Variants in PGM5 observed in about 807,000 individuals in gnomAD.
The protein encoded by PGM5 is phosphoglucomutase 5, also known as phosphoglucomutase-like protein 5.
Under a neutral mutation model 59.2 loss-of-function variants are expected in PGM5, and 23 were observed. That is an observed-to-expected ratio of 0.39 (90% confidence interval 0.28 to 0.55). PGM5 has a LOEUF of 0.55. Among genes scored for constraint, PGM5 ranks in the 20% least tolerant of loss-of-function variants. PGM5 has a pLI of 0.66. For missense variants in PGM5, 574 were observed against 748.3 expected, an observed-to-expected ratio of 0.77 and a Z score of 2.72; for synonymous variants, 214 against 286.0, an observed-to-expected ratio of 0.75 and a Z score of 2.54.
chr9:68,414,244 G>A (rs1304727891), intron 6 of PGM5, among the ~76,000 whole-genome samples: 2 of 152,088 alleles, frequency 1.3e-5, no homozygotes, highest in Non-Finnish European at 2.9e-5. Context: ...GAGCTAAATA[G>A]ACCTCTTTTC....
chr9:68,359,437 A>C (rs1834535127), intron 1 of PGM5, among the ~76,000 whole-genome samples: 1 of 152,194 alleles, frequency 6.6e-6, no homozygotes, highest in Non-Finnish European at 1.5e-5. Flanking sequence ...TCAGAATTTC[A>C]AACAGCCAAC....
chr9:68,417,357 G>A (rs782597339), intron 6 of PGM5, among the ~76,000 whole-genome samples: 1 of 152,126 alleles, frequency 6.6e-6, no homozygotes, highest in Non-Finnish European at 1.5e-5. Context: ...GCCCCAAGAA[G>A]CTCTTTACTG....
chr9:68,506,466 AAACTC>A (rs1355767063), intron 10 of PGM5, among the ~76,000 whole-genome samples: 2 of 152,220 alleles, frequency 1.3e-5, no homozygotes, highest in Non-Finnish European at 2.9e-5. Flanking sequence ...TTGCTCAGTT[AAACTC>A]TTAAGTTTAA....
intron 6 of PGM5, among the ~76,000 whole-genome samples, chr9:68,424,129 G>A (rs1823194582): frequency 6.6e-6 from 1 of 152,166 alleles, no homozygotes; most frequent in South Asian, 2.1e-4. Context: ...ATCTGGAAAA[G>A]TTTCCTATGA....
chr9:68,372,237 G>A lies in PGM5; in HGVS notation c.262-5962G>A, dbSNP rs1276415474. On this transcript the variant is annotated intron_variant, in intron 1 of 10. Coordinates refer to ENST00000396396, the MANE Select transcript of PGM5 (RefSeq NM_021965.4). ...GGCCAGAAGTCAAAATCAAGGTATCGGCATGGCCACACTCTGTAGATGCTC... is the reference window on the plus strand; with the variant it reads ...GGCCAGAAGTCAAAATCAAGGTATCAGCATGGCCACACTCTGTAGATGCTC... Among the ~76,000 whole-genome samples the A allele has an allele frequency of 2.5e-3, 371 of 146,216 alleles. 2 individuals are homozygous for A. The highest frequency in any genetic ancestry group is 8.6e-3 in the African/African-American group (336 of 39,080).
Position 68,440,080 on chromosome 9 carries a change from A to C in PGM5, c.1044-25013A>C, listed in dbSNP as rs892830965. Among the ~76,000 whole-genome samples, 4 of 152,202 alleles carry C rather than the reference A, an allele frequency of 2.6e-5. No homozygotes were observed. The East Asian group carries it at 7.7e-4, about 29-fold the overall frequency. On this transcript the variant is annotated intron_variant, in intron 6 of 10. Coordinates refer to ENST00000396396, the MANE Select transcript of PGM5 (RefSeq NM_021965.4). ...ATAATTTTAAAGTACATAAGCAAAA[A>C]TGGACAGAATGGAAAAGAGAAATAG...
chr9:68,363,169 C>T (rs1177552010), intron 1 of PGM5, among the ~76,000 whole-genome samples: 1 of 152,012 alleles, frequency 6.6e-6, no homozygotes, highest in African/African-American at 2.4e-5. Flanking sequence ...TGCGCCCGGC[C>T]GTTTCTGACT....
At chr9:68,424,505 A>G (rs1340843188) in intron 6 of PGM5, among the ~76,000 whole-genome samples, 1 of 152,158 alleles carries the variant, frequency 6.6e-6, no homozygotes, top group African/African-American at 2.4e-5. Context: ...AATCACCCCC[A>G]AAAGGTCCCA....
intron 9 of PGM5, among the ~76,000 whole-genome samples, chr9:68,485,131 G>C (rs11142632): frequency 2.6e-5 from 4 of 152,172 alleles, no homozygotes; most frequent in African/African-American, 9.7e-5. Flanking sequence ...TGTTAATGCA[G>C]TATTCCTCTA....
intron 2 of PGM5, among the ~76,000 whole-genome samples, chr9:68,382,730 A>T (rs1554678436): frequency 6.6e-6 from 1 of 151,812 alleles, no homozygotes; most frequent in African/African-American, 2.4e-5. Context: ...GGAGTGGAAG[A>T]TATCAGGGAG....
intron 4 of PGM5, among the ~76,000 whole-genome samples, chr9:68,390,479 G>T (rs1170726456): frequency 6.6e-6 from 1 of 152,142 alleles, no homozygotes; most frequent in African/African-American, 2.4e-5. Context: ...GAACTGAGAT[G>T]GGGAAGAGAG....
intron 6 of PGM5, among the ~76,000 whole-genome samples, chr9:68,423,916 G>A (rs79957602): frequency 0.024 from 3,594 of 152,250 alleles, 128 homozygotes; most frequent in African/African-American, 0.08. Context: ...GTACCTAAAT[G>A]GGGAAGACTG....
chr9:68,406,583 T>A (rs1268719578), intron 6 of PGM5: 1 of 146,524 alleles, frequency 6.8e-6, no homozygotes, highest in African/African-American at 2.5e-5. Context: ...ACACTAGGGA[T>A]GAAGTTTCAA....
chr9:68,453,399 CATA>C (rs1486899149), intron 6 of PGM5, among the ~76,000 whole-genome samples: 3 of 152,156 alleles, frequency 2.0e-5, no homozygotes, highest in Admixed American at 6.6e-5. Flanking sequence ...AGTACAGTGG[CATA>C]ATTATAGCTA....
At chr9:68,372,048 T>G (rs1449653314) in intron 1 of PGM5, among the ~76,000 whole-genome samples, 7 of 152,228 alleles carry the variant, frequency 4.6e-5, no homozygotes, top group South Asian at 2.1e-4. Context: ...TTAATTGCTT[T>G]TAGCCACCAG....
chr9:68,368,029 G>T (rs1834713392), intron 1 of PGM5, among the ~76,000 whole-genome samples: 1 of 152,072 alleles, frequency 6.6e-6, no homozygotes, highest in Non-Finnish European at 1.5e-5. Context: ...CTTAATTTCT[G>T]TCTACCTATT....
chr9:68,378,434 C>T (rs1646954226), intron 2 of PGM5, 73 bp downstream of exon 2: 1 of 1,453,334 alleles, frequency 6.9e-7, no homozygotes, highest in Non-Finnish European at 9.1e-7. Context: ...CACAGTGACT[C>T]TTTGATGATA....
At chr9:68,406,682 A>G (rs1290670100) in intron 6 of PGM5, among the ~76,000 whole-genome samples, 1 of 39,344 alleles carries the variant, frequency 2.5e-5, no homozygotes, top group African/African-American at 1.1e-4. Flanking sequence ...ATATATGTAT[A>G]TATATATATA....
At chr9:68,436,787 A>G (rs782660226) in intron 6 of PGM5, among the ~76,000 whole-genome samples, 5 of 152,240 alleles carry the variant, frequency 3.3e-5, no homozygotes, top group Non-Finnish European at 7.3e-5. Flanking sequence ...CAGAAGATGA[A>G]ACCAGAGCTC....
Sources: allele counts gnomAD v4.1 joint callset (sites outside exome capture counted in the v4.1 genomes callset), GRCh38; gene constraint gnomAD v4.1.1; transcripts MANE v1.5; gene names NCBI Gene and HGNC (gene_info 2026-07-23, HGNC 2026-07-21).